The following ENAH variants were observed in gnomAD, a reference collection of about 807,000 sequenced individuals.
ENAH encodes protein enabled homolog.
A neutral mutation model predicts 78.7 loss-of-function variants in ENAH; 23 were observed. The ratio of observed to expected loss-of-function variants is 0.29; its 90% CI spans 0.21 to 0.41. The LOEUF (loss-of-function observed/expected upper bound fraction) is 0.41, where lower values mean the gene tolerates loss of function less well. Ranked by LOEUF, ENAH falls within the 10% of genes least tolerant of loss-of-function variation. The probability of loss-of-function intolerance (pLI) is 1.00; values close to 1 mark genes in which losing one functional copy is unlikely to be tolerated. For missense variants in ENAH, 544 were observed against 691.0 expected (o/e 0.79, Z 2.39); for synonymous variants, 226 against 241.0 (o/e 0.94, Z 0.58).
At chr1:225,651,647 T>C (rs1013316254) in intron 1 of ENAH, among the ~76,000 whole-genome samples, 12 of 152,186 alleles carry the variant, frequency 7.9e-5, no homozygotes, top group Non-Finnish European at 1.5e-4. Context: ...TTATCCACAA[T>C]TGTTTAACCC....
intron 1 of ENAH, among the ~76,000 whole-genome samples, chr1:225,610,135 T>C (rs2096980615): frequency 6.6e-6 from 1 of 151,140 alleles, no homozygotes; most frequent in African/African-American, 2.4e-5. Context: ...TTAGGGGAAA[T>C]CACATTATAG....
chr1:225,628,517 A>G (rs1184386447), intron 1 of ENAH, among the ~76,000 whole-genome samples: 1 of 152,244 alleles, frequency 6.6e-6, no homozygotes, highest in Non-Finnish European at 1.5e-5. Context: ...AAAAACATAG[A>G]AAATGCAAAA....
At chr1:225,551,372 T>C (rs1333282084) in intron 3 of ENAH, among the ~76,000 whole-genome samples, 2 of 152,102 alleles carry the variant, frequency 1.3e-5, no homozygotes, top group African/African-American at 4.8e-5. Flanking sequence ...GAGCACCTTG[T>C]AAAGGTTGGT....
chr1:225,615,879 G>A (rs1037690098), intron 1 of ENAH, among the ~76,000 whole-genome samples: 6 of 152,140 alleles, frequency 3.9e-5, no homozygotes, highest in South Asian at 4.2e-4. Flanking sequence ...CGGTTTTGTC[G>A]AATAGAAAAA....
intron 4 of ENAH, among the ~76,000 whole-genome samples, chr1:225,522,316 A>G (rs1451416521): frequency 2.0e-5 from 3 of 152,194 alleles, no homozygotes; most frequent in African/African-American, 7.2e-5. Flanking sequence ...TTTGACAAAT[A>G]CATCAACCCC....
At chr1:225,529,159 G>A (rs1473183870) in intron 4 of ENAH, among the ~76,000 whole-genome samples, 1 of 152,196 alleles carries the variant, frequency 6.6e-6, no homozygotes, top group Non-Finnish European at 1.5e-5. Context: ...TCATGCCTAT[G>A]TTCAAAACTG....
intron 1 of ENAH, among the ~76,000 whole-genome samples, chr1:225,612,021 C>T (rs2096992548): frequency 6.6e-6 from 1 of 152,142 alleles, no homozygotes; most frequent in African/African-American, 2.4e-5. Flanking sequence ...ACCAGTTTGG[C>T]CAGTCCTCAA....
intron 12 of ENAH, 64 bp from the exon 13 acceptor site, chr1:225,498,468 CAT>C: frequency 9.8e-7 from 1 of 1,021,858 alleles, no homozygotes; most frequent in Non-Finnish European, 1.4e-6. Context: ...GATTCTTACT[CAT>C]AAAATTTTAA....
intron 2 of ENAH, among the ~76,000 whole-genome samples, chr1:225,559,453 C>T (rs529430396): frequency 1.9e-4 from 29 of 152,178 alleles, no homozygotes; most frequent in African/African-American, 5.1e-4. Flanking sequence ...TCTTACAGAC[C>T]TTTTTTTCTG....
intron 1 of ENAH, among the ~76,000 whole-genome samples, chr1:225,639,219 T>C (rs927130348): frequency 1.3e-5 from 2 of 152,206 alleles, no homozygotes; most frequent in African/African-American, 2.4e-5. Flanking sequence ...ATGAGGGAAC[T>C]TAATGGCCTA....
At chr1:225,548,165 CTT>C (rs142174491) in intron 3 of ENAH, among the ~76,000 whole-genome samples, 3 of 142,140 alleles carry the variant, frequency 2.1e-5, no homozygotes, top group Non-Finnish European at 1.5e-5. Flanking sequence ...TGAAAGCCTA[CTT>C]TTTTTTTTTC....
chr1:225,554,558 T>G, intron 3 of ENAH, among the ~76,000 whole-genome samples: 1 of 152,190 alleles, frequency 6.6e-6, no homozygotes, highest in East Asian at 1.9e-4. Context: ...ATAAGCATAA[T>G]TCCTATCCAC....
intron 11 of ENAH, among the ~76,000 whole-genome samples, chr1:225,502,203 T>TTTG (rs1011011901): frequency 4.6e-5 from 7 of 152,132 alleles, no homozygotes; most frequent in Admixed American, 4.6e-4. Context: ...TAATCTGCTT[T>TTTG]TTGTTGTTGT....
chr1:225,550,059 C>G (rs2096634122), intron 3 of ENAH, among the ~76,000 whole-genome samples: 2 of 152,148 alleles, frequency 1.3e-5, no homozygotes, highest in African/African-American at 2.4e-5. Context: ...AACCTTATCT[C>G]TTGGGATGCC....
chr1:225,540,317 T>C (rs1156579919), intron 3 of ENAH, among the ~76,000 whole-genome samples: 1 of 152,138 alleles, frequency 6.6e-6, no homozygotes, highest in Non-Finnish European at 1.5e-5. Context: ...GAAACACAAT[T>C]TCACTCTCTT....
intron 1 of ENAH, among the ~76,000 whole-genome samples, chr1:225,620,410 C>A (rs1161557020): frequency 2.0e-5 from 3 of 151,686 alleles, no homozygotes; most frequent in Non-Finnish European, 4.4e-5. Flanking sequence ...CCTGTAGTCC[C>A]AGCTACTTGG....
At position 225,622,892 on chromosome 1, in the gene ENAH, A is replaced by G. The variant is rs1024024002; in HGVS notation, c.5+29794T>C. Among the ~76,000 whole-genome samples, 4 of 152,196 alleles carry G rather than the reference A, an allele frequency of 2.6e-5. No individual in the cohort carries two copies. In the East Asian group the frequency reaches 7.7e-4, roughly 29 times the overall value. On this transcript the variant is annotated intron_variant, in intron 1 of 13. Coordinates refer to ENST00000366843, the MANE Select transcript of ENAH (RefSeq NM_018212.6). ...GTAATTTGCACCAGGAAGTAACTCGAAGGATGGATTTCAAAAGGAAAAAAC... is the reference window on the plus strand; with the variant it reads ...GTAATTTGCACCAGGAAGTAACTCGGAGGATGGATTTCAAAAGGAAAAAAC...
chr1:225,539,126 T>C (rs2096576773), intron 3 of ENAH, among the ~76,000 whole-genome samples: 1 of 152,192 alleles, frequency 6.6e-6, no homozygotes, highest in Non-Finnish European at 1.5e-5. Context: ...TCTGTTCAGT[T>C]ACACAAACCA....
intron 1 of ENAH, among the ~76,000 whole-genome samples, chr1:225,612,684 T>C (rs1046571266): frequency 3.3e-5 from 5 of 152,336 alleles, no homozygotes; most frequent in Middle Eastern, 3.4e-3. Flanking sequence ...ACTTTGGTAA[T>C]TGGAACATAA....
Sources: gnomAD v4.1 joint callset for allele counts (sites outside exome capture counted in the v4.1 genomes callset) on GRCh38, gnomAD v4.1.1 for gene constraint, MANE v1.5 for transcripts, NCBI Gene and HGNC (gene_info 2026-07-23, HGNC 2026-07-21) for gene names.